The following ECHDC3 variants were observed in gnomAD, a reference collection of about 807,000 sequenced individuals.
ECHDC3 encodes enoyl-CoA hydratase domain containing 3, also known as enoyl-CoA hydratase domain-containing protein 3, mitochondrial.
Under a neutral mutation model 17.9 loss-of-function variants are expected in ECHDC3, and 20 were observed. That is an observed-to-expected ratio of 1.12 (90% confidence interval 0.79 to 1.63). The LOEUF is 1.63. ECHDC3 is among the 40% of genes most tolerant of loss of function. The pLI, the probability that ECHDC3 is intolerant of heterozygous loss-of-function variation, is 0.00. For synonymous variants in ECHDC3, 177 were observed against 149.7 expected, an observed-to-expected ratio of 1.18 and a Z score of -1.33; for missense variants, 407 against 357.7, an observed-to-expected ratio of 1.14 and a Z score of -1.11.
chr10:11,749,071 G>A (rs1399383825), intron 2 of ECHDC3, among the ~76,000 whole-genome samples: 3 of 152,126 alleles, frequency 2.0e-5, no homozygotes, highest in Admixed American at 6.5e-5. Flanking sequence ...CAGCCATGAC[G>A]GCTGGCCACT....
intron 1 of ECHDC3, chr10:11,742,970 G>A (rs61846247): frequency 0.19 from 74,021 of 394,408 alleles, 7,893 homozygotes; most frequent in East Asian, 0.29. Flanking sequence ...AGCCTGCGGG[G>A]TCACTGGGCC....
At position 11,742,638 on chromosome 10, in the gene ECHDC3, GC is replaced by G. The variant is rs1207600288; in HGVS notation, c.66del (p.Trp23GlyfsTer34). The part of the protein sequence containing the change: ...GASGPMCLRR[G>X]PWAQLPARFC... ...AGTGGGCCCATGTGTCTCCGGCGCG[GC>G]CCCTGGGCCCAGCTCCCCGCCCGCT... is the stretch of plus-strand genomic sequence containing the variant. On this transcript the variant is annotated frameshift_variant, in exon 1 of 5. Coordinates refer to ENST00000379215, the MANE Select transcript of ECHDC3 (RefSeq NM_024693.5). LOFTEE classifies it high-confidence loss of function. 2.4e-6 allele frequency: 3 copies of G among 1,262,788 alleles called. No homozygotes were observed. Among genetic ancestry groups the G allele is most frequent in the Non-Finnish European group, 3.0e-6 (3 of 1,005,116 alleles). 78.2% of individuals were successfully genotyped at this position (1,262,788 alleles called of 1,614,324 possible).
chr10:11,747,353 A>G lies in ECHDC3; in HGVS notation c.175A>G (p.Ile59Val). The change falls in exon 2 of 5, where the codon ATC becomes GTC. Residue 59 changes from isoleucine (I) to valine (V), a missense_variant. Physicochemically the swap from Ile to Val is conservative, Grantham distance 29. Coordinates refer to ENST00000379215, the MANE Select transcript of ECHDC3 (RefSeq NM_024693.5). ...SARQLDGIRN[I>V]VLSNPKKRNA... is the part of the protein sequence containing the mutation. Reference sequence around the variant, plus strand: ...ATTGTAAAATGTTCTTCACAGGAACATCGTCTTGAGCAATCCCAAGAAGAG... The same window carrying G: ...ATTGTAAAATGTTCTTCACAGGAACGTCGTCTTGAGCAATCCCAAGAAGAG... The G allele has an allele frequency of 6.2e-7, 1 of 1,613,816 alleles. No individual in the cohort carries two copies. The highest frequency in any genetic ancestry group is 8.5e-7 in the Non-Finnish European group (1 of 1,179,794).
chr10:11,759,633 G>T (rs1273046106), intron 4 of ECHDC3, among the ~76,000 whole-genome samples: 1 of 152,182 alleles, frequency 6.6e-6, no homozygotes, highest in Non-Finnish European at 1.5e-5. Context: ...GGCATGACGT[G>T]GGGAGAGTCC....
At chr10:11,749,379 C>T (rs1046908802) in intron 2 of ECHDC3, 116 bp from the exon 3 acceptor site, 2 of 885,682 alleles carry the variant, frequency 2.3e-6, no homozygotes, top group Non-Finnish European at 3.4e-6. Flanking sequence ...AGGCCATTAA[C>T]TTGCTCTAAG....
intron 1 of ECHDC3, among the ~76,000 whole-genome samples, chr10:11,745,076 A>G (rs952037761): frequency 3.3e-5 from 5 of 152,226 alleles, no homozygotes; most frequent in South Asian, 2.1e-4. Flanking sequence ...ATCTGTCTCC[A>G]GAAGGAGGGA....
Position 11,755,601 on chromosome 10 carries a change from C to CT in ECHDC3, c.585dup (p.Arg196Ter). 6.2e-7 allele frequency: 1 copy of CT among 1,611,956 alleles called. No homozygotes were observed. On this transcript the variant is annotated frameshift_variant, in exon 4 of 5. Transcript: ENST00000379215. LOFTEE classifies it low-confidence loss of function (END_TRUNC). ...GGGGTTGCCTTGGCAAGAGCAGTGCCTAGAAAGGTAATTTAACTCCCCCCA... is the reference window on the plus strand; with the variant it reads ...GGGGTTGCCTTGGCAAGAGCAGTGCCTTAGAAAGGTAATTTAACTCCCCCCA...
Position 11,763,876 on chromosome 10 carries a change from G to A in ECHDC3, c.*332G>A, listed in dbSNP as rs1832983351. On this transcript the variant is annotated 3_prime_UTR_variant, in exon 5 of 5. Transcript: ENST00000379215. This position sits in a 1 kb window ranked among gnomAD's most constrained non-coding sequence, Gnocchi z 4.9. ...AGGTGGCAACCCATGGAGGCAGAAA[G>A]AAGGACGCCAGCCTGACCCTTATCT... 9.3e-7 allele frequency: 1 copy of A among 1,073,782 alleles called. No individual in the cohort carries two copies. Among genetic ancestry groups the A allele is most frequent in the African/African-American group, 1.7e-5 (1 of 60,002 alleles). The allele number at this position is 1,073,782 out of a possible 1,614,324, so 66.5% of individuals were successfully genotyped here. A position where few individuals can be genotyped will look rare whatever the true frequency, so the allele number is the denominator to read the frequency against.
At chr10:11,758,773 G>C (rs899395969) in intron 4 of ECHDC3, among the ~76,000 whole-genome samples, 1 of 152,268 alleles carries the variant, frequency 6.6e-6, no homozygotes, top group African/African-American at 2.4e-5. Flanking sequence ...GACAGACCCT[G>C]CTGGTGCCAT....
chr10:11,763,832 G>A lies in ECHDC3; in HGVS notation c.*288G>A, dbSNP rs1043884363. ...GCTCCTTGCAACGTCTTAAGCAAGCGACCCCCCGACATAGCAAAAGGTGGC... is the reference window on the plus strand; with the variant it reads ...GCTCCTTGCAACGTCTTAAGCAAGCAACCCCCCGACATAGCAAAAGGTGGC... On this transcript the variant is annotated 3_prime_UTR_variant, in exon 5 of 5. Transcript: ENST00000379215. The surrounding 1 kb of genome is among the most constrained non-coding windows in gnomAD (Gnocchi z 4.9). 2.2e-5 allele frequency: 23 copies of A among 1,032,206 alleles called. No homozygotes were observed. In the East Asian group the frequency reaches 2.7e-4, roughly 12 times the overall value. 63.9% of individuals were successfully genotyped at this position (1,032,206 alleles called of 1,614,324 possible). A position where few individuals can be genotyped will look rare whatever the true frequency, so the allele number is the denominator to read the frequency against.
intron 4 of ECHDC3, among the ~76,000 whole-genome samples, chr10:11,762,376 G>A (rs1490128016): frequency 2.6e-5 from 4 of 152,222 alleles, no homozygotes; most frequent in African/African-American, 9.7e-5. Flanking sequence ...GTGCATGGGC[G>A]TATTTGAGGA....
chr10:11,754,215 C>T (rs10906008), intron 3 of ECHDC3, among the ~76,000 whole-genome samples: 141,972 of 152,124 alleles, frequency 0.93, 67,095 homozygotes, highest in East Asian at 1. Context: ...AAATATCAAA[C>T]GTTTATGGAT....
chr10:11,742,507 C>T lies in ECHDC3; in HGVS notation c.-70C>T. The T allele has an allele frequency of 1.6e-6, 2 of 1,239,652 alleles. No homozygotes were observed. The highest frequency in any genetic ancestry group is 2.0e-6 in the Non-Finnish European group (2 of 988,180). The allele number at this position is 1,239,652 out of a possible 1,614,324, so 76.8% of individuals were successfully genotyped here. A position where few individuals can be genotyped will look rare whatever the true frequency, so the allele number is the denominator to read the frequency against. On this transcript the variant is annotated 5_prime_UTR_variant, in exon 1 of 5. Coordinates refer to ENST00000379215, the MANE Select transcript of ECHDC3 (RefSeq NM_024693.5). Reference sequence around the variant, plus strand: ...GTCCCGGCCCTGCTCACAGCAGCGCCCTCGGAGCGCCCAGCACCTGCGGCC... The same window carrying T: ...GTCCCGGCCCTGCTCACAGCAGCGCTCTCGGAGCGCCCAGCACCTGCGGCC...
In ECHDC3 at chr10:11,755,578, G is replaced by T; in HGVS notation, c.561G>T (p.Gly187=). 1 of 1,613,760 alleles carries T rather than the reference G, an allele frequency of 6.2e-7. No individual in the cohort carries two copies. The highest frequency in any genetic ancestry group is 1.1e-5 in the South Asian group (1 of 90,972). The change falls in exon 4 of 5, where the codon GGG becomes GGT. Residue 187 remains glycine (G), a synonymous_variant. Transcript: ENST00000379215. ...TCGGGCTCTTCTGTTCTACCCCTGG[G>T]GTTGCCTTGGCAAGAGCAGTGCCTA... The part of the protein sequence containing the change: ...VNVGLFCSTP[G]VALARAVPRK...
At chr10:11,751,029 G>T (rs1160073167) in intron 3 of ECHDC3, among the ~76,000 whole-genome samples, 1 of 152,172 alleles carries the variant, frequency 6.6e-6, no homozygotes, top group Non-Finnish European at 1.5e-5. Flanking sequence ...GCCGAGACCT[G>T]GGTCTTTCGT....
chr10:11,755,871 G>T (rs1832882204), intron 4 of ECHDC3: 2 of 400,934 alleles, frequency 5.0e-6, no homozygotes, highest in Non-Finnish European at 9.0e-6. Context: ...CGTACCCTCA[G>T]TACCACTGGG....
At chr10:11,749,699 C>A in intron 3 of ECHDC3, 107 bp downstream of exon 3, 2 of 904,970 alleles carry the variant, frequency 2.2e-6, no homozygotes, top group Non-Finnish European at 3.3e-6. Flanking sequence ...GAGACCCAAA[C>A]ACCCAGAGCA....
At chr10:11,753,592 C>A (rs1832852312) in intron 3 of ECHDC3, among the ~76,000 whole-genome samples, 1 of 152,054 alleles carries the variant, frequency 6.6e-6, no homozygotes, top group African/African-American at 2.4e-5. Flanking sequence ...AAAATCTTTT[C>A]TTTCTTTGCA....
Position 11,755,584 on chromosome 10 carries a change from C to T in ECHDC3, c.567C>T (p.Ala189=). 6.2e-7 allele frequency: 1 copy of T among 1,613,568 alleles called. No individual in the cohort carries two copies. Among genetic ancestry groups the T allele is most frequent in the Non-Finnish European group, 8.5e-7 (1 of 1,179,818 alleles). The change falls in exon 4 of 5, where the codon GCC becomes GCT. Residue 189 remains alanine, a synonymous_variant. Coordinates refer to ENST00000379215, the MANE Select transcript of ECHDC3 (RefSeq NM_024693.5). The part of the protein sequence containing the change: ...VGLFCSTPGV[A]LARAVPRKVA... ...TCTTCTGTTCTACCCCTGGGGTTGC[C>T]TTGGCAAGAGCAGTGCCTAGAAAGG...
Sources: gnomAD v4.1 joint callset for allele counts (sites outside exome capture counted in the v4.1 genomes callset) on GRCh38, gnomAD v4.1.1 for gene constraint, Gnocchi (gnomAD v3.1) non-coding constraint, MANE v1.5 for transcripts, NCBI Gene and HGNC (gene_info 2026-07-23, HGNC 2026-07-21) for gene names.